Variants in ADAMTS16 observed in about 807,000 individuals in gnomAD.
ADAMTS16 encodes A disintegrin and metalloproteinase with thrombospondin motifs 16.
A neutral mutation model predicts 145.8 loss-of-function variants in ADAMTS16; 94 were observed. That is an observed-to-expected ratio of 0.64 (90% CI 0.55 to 0.77). ADAMTS16 has a LOEUF of 0.77. Among genes scored for constraint, ADAMTS16 ranks in the 30% least tolerant of loss-of-function variants. ADAMTS16 has a pLI of 0.00. For missense variants in ADAMTS16, 1,585 were observed against 1,591.5 expected, an observed-to-expected ratio of 1.00 and a Z score of 0.07; for synonymous variants, 659 against 604.3, an observed-to-expected ratio of 1.09 and a Z score of -1.33.
intron 18 of ADAMTS16, among the ~76,000 whole-genome samples, chr5:5,278,412 G>A (rs1157245724): frequency 6.6e-6 from 1 of 152,058 alleles, no homozygotes; most frequent in South Asian, 2.1e-4. Context: ...CACCAAATTC[G>A]TGTCCCTCCG....
intron 3 of ADAMTS16, among the ~76,000 whole-genome samples, chr5:5,147,642 T>C (rs948804009): frequency 7.9e-5 from 12 of 152,204 alleles, no homozygotes; most frequent in Non-Finnish European, 1.6e-4. Flanking sequence ...TTGGCGCTCT[T>C]GTTAAGCATG....
rs1740364195 is a variant in ADAMTS16 at position 5,310,176 on chromosome 5, A to G, written c.3411+3448A>G. 6.6e-6 allele frequency among the ~76,000 whole-genome samples: 1 copy of G among 151,884 alleles called. No individual in the cohort carries two copies. Among genetic ancestry groups the G allele is most frequent in the African/African-American group, 2.4e-5 (1 of 41,308 alleles). Reference sequence around the variant, plus strand: ...CCCAAATGCTTGGTCAGATGGAACCATTTGTCCCTGACGATGACCAGCTCT... The same window carrying G: ...CCCAAATGCTTGGTCAGATGGAACCGTTTGTCCCTGACGATGACCAGCTCT... On this transcript the variant is annotated intron_variant, in intron 21 of 22. Coordinates refer to ENST00000274181, the MANE Select transcript of ADAMTS16 (RefSeq NM_139056.4). The surrounding 1 kb of genome is among the most constrained non-coding windows in gnomAD (Gnocchi z 4.3).
intron 17 of ADAMTS16, among the ~76,000 whole-genome samples, chr5:5,249,475 C>A (rs1480752824): frequency 6.6e-6 from 1 of 152,056 alleles, no homozygotes; most frequent in Non-Finnish European, 1.5e-5. Context: ...TACTCAGCCA[C>A]CCTGCTCAAT....
chr5:5,236,162 C>T (rs16875111), intron 13 of ADAMTS16, among the ~76,000 whole-genome samples: 8 of 151,968 alleles, frequency 5.3e-5, no homozygotes, highest in Non-Finnish European at 1.2e-4. Context: ...TAATCATGGA[C>T]GCACACACTA....
At chr5:5,230,875 G>A (rs1416381728) in intron 11 of ADAMTS16, among the ~76,000 whole-genome samples, 7 of 152,154 alleles carry the variant, frequency 4.6e-5, no homozygotes, top group South Asian at 2.1e-4. Context: ...CTGGGGCTTC[G>A]AATCCTGTTC....
At chr5:5,199,969 G>T (rs780101438) in intron 8 of ADAMTS16, among the ~76,000 whole-genome samples, 163 bp from the exon 9 acceptor site, 1 of 152,174 alleles carries the variant, frequency 6.6e-6, no homozygotes, top group Non-Finnish European at 1.5e-5. Flanking sequence ...TGGAATACGT[G>T]AATATTCTTA....
At chr5:5,177,995 A>AT (rs1352425792) in intron 3 of ADAMTS16, among the ~76,000 whole-genome samples, 1 of 152,068 alleles carries the variant, frequency 6.6e-6, no homozygotes, top group Non-Finnish European at 1.5e-5. Context: ...TTATTTTTTG[A>AT]TTTATGAAAC....
chr5:5,231,325 A>G (rs1172096635), intron 11 of ADAMTS16, among the ~76,000 whole-genome samples: 3 of 152,238 alleles, frequency 2.0e-5, no homozygotes, highest in Non-Finnish European at 4.4e-5. Context: ...GGGCCATTTG[A>G]ACTGCCATAG....
At chr5:5,193,227 T>C (rs1238141840) in intron 8 of ADAMTS16, among the ~76,000 whole-genome samples, 1 of 152,104 alleles carries the variant, frequency 6.6e-6, no homozygotes, top group African/African-American at 2.4e-5. Context: ...TTGTGTTTAA[T>C]GGAATTCCAC....
chr5:5,207,977 G>A (rs1270061342), intron 9 of ADAMTS16, among the ~76,000 whole-genome samples: 1 of 152,146 alleles, frequency 6.6e-6, no homozygotes, highest in Non-Finnish European at 1.5e-5. Context: ...GATAAGAAAA[G>A]CTTTCTTTTC....
chr5:5,186,061 A>C lies in ADAMTS16; in HGVS notation c.773A>C (p.Gln258Pro). 1 of 1,612,928 alleles carries C rather than the reference A, an allele frequency of 6.2e-7. No individual in the cohort carries two copies. The highest frequency in any genetic ancestry group is 8.5e-7 in the Non-Finnish European group (1 of 1,179,742). Residue 258 changes from glutamine (Q) to proline (P), a missense_variant, in exon 5 of 23, where the codon CAG becomes CCG. Gln to Pro is a moderately conservative substitution (Grantham distance 76). Around this residue, in one of 3 missense-constraint regions of ADAMTS16, gnomAD observed 453 missense variants for 412.1 expected, o/e 1.10. Transcript: ENST00000274181. ...FCGRRKKYMP[Q>P]PPKEDLFILP... ...ATGTGTCCCTCCATAGACATGCCCC[A>C]GCCTCCCAAGGAAGACCTCTTCATC...
intron 17 of ADAMTS16, among the ~76,000 whole-genome samples, chr5:5,242,990 G>C (rs1737339779): frequency 1.3e-5 from 2 of 152,138 alleles, no homozygotes; most frequent in Non-Finnish European, 2.9e-5. Flanking sequence ...AGTTAATTTA[G>C]ACAATATTAT....
At chr5:5,305,364 C>A (rs937979214) in intron 20 of ADAMTS16, among the ~76,000 whole-genome samples, 111 of 81,262 alleles carry the variant, frequency 1.4e-3, no homozygotes, top group African/African-American at 5.1e-3. Flanking sequence ...ACCACACACA[C>A]ATCCCACACC....
At chr5:5,209,038 G>A in intron 9 of ADAMTS16, 55 bp from the exon 10 acceptor site, 1 of 1,553,832 alleles carries the variant, frequency 6.4e-7, no homozygotes, top group Non-Finnish European at 8.7e-7. Flanking sequence ...TTAGTTGTAA[G>A]TCCTTTGGTT....
At chr5:5,294,411 G>A (rs1267941417) in intron 18 of ADAMTS16, among the ~76,000 whole-genome samples, 2 of 152,218 alleles carry the variant, frequency 1.3e-5, no homozygotes, top group Non-Finnish European at 2.9e-5. Context: ...CAGATCAGTG[G>A]ACCAGAAGCC....
At chr5:5,288,062 G>A (rs1739168371) in intron 18 of ADAMTS16, among the ~76,000 whole-genome samples, 1 of 152,160 alleles carries the variant, frequency 6.6e-6, no homozygotes, top group African/African-American at 2.4e-5. Context: ...AGAAAAGCCC[G>A]AAACTAGAGG....
At chr5:5,148,401 T>A (rs539798410) in intron 3 of ADAMTS16, among the ~76,000 whole-genome samples, 37 of 152,376 alleles carry the variant, frequency 2.4e-4, no homozygotes, top group African/African-American at 8.2e-4. Flanking sequence ...ATGCTCTATA[T>A]TCCATTCTAT....
At chr5:5,227,657 C>A (rs1736809618) in intron 11 of ADAMTS16, among the ~76,000 whole-genome samples, 1 of 152,076 alleles carries the variant, frequency 6.6e-6, no homozygotes, top group Admixed American at 6.6e-5. Flanking sequence ...GTAGGAAAAT[C>A]ATTTAAGGAT....
intron 17 of ADAMTS16, among the ~76,000 whole-genome samples, chr5:5,252,131 G>C (rs1435471198): frequency 1.3e-5 from 2 of 152,190 alleles, no homozygotes; most frequent in South Asian, 4.1e-4. Flanking sequence ...TTGCAGGCGT[G>C]AGCCACCGTG....
Sources: allele counts gnomAD v4.1 joint callset (sites outside exome capture counted in the v4.1 genomes callset), GRCh38; gene constraint gnomAD v4.1.1; regional missense constraint gnomAD v4.1.1; non-coding constraint Gnocchi (gnomAD v3.1); transcripts MANE v1.5; gene names NCBI Gene and HGNC (gene_info 2026-07-23, HGNC 2026-07-21).